Variants in KCNH1 observed in about 807,000 individuals in gnomAD.
The protein encoded by KCNH1 is potassium voltage-gated channel subfamily H member 1, also known as voltage-gated delayed rectifier potassium channel KCNH1.
KCNH1 carries 27 observed loss-of-function variants against 69.2 expected under a neutral mutation model. The ratio of observed to expected loss-of-function variants is 0.39; its 90% CI spans 0.29 to 0.54. The LOEUF (loss-of-function observed/expected upper bound fraction) is 0.54. KCNH1 is among the 20% of genes least tolerant of loss of function. The pLI is 0.68. For synonymous variants in KCNH1, 456 were observed against 487.7 expected, an observed-to-expected ratio of 0.93 and a Z score of 0.86; for missense variants, 798 against 1,261.6, an observed-to-expected ratio of 0.63 and a Z score of 5.57.
At chr1:211,057,701 AAG>A (rs139632604) in intron 5 of KCNH1, among the ~76,000 whole-genome samples, 13 of 150,430 alleles carry the variant, frequency 8.6e-5, no homozygotes, top group Non-Finnish European at 8.9e-5. Context: ...GAGAGAAAGA[AAG>A]AGAGAGAGAG....
At chr1:210,859,251 G>A in intron 7 of KCNH1, 1 of 1,611,184 alleles carries the variant, frequency 6.2e-7, no homozygotes, top group Non-Finnish European at 8.5e-7. Context: ...TATCCTCCAT[G>A]CTTCTCAATC....
intron 5 of KCNH1, among the ~76,000 whole-genome samples, chr1:211,045,059 T>TATA (rs1690072156): frequency 7.8e-6 from 1 of 127,940 alleles, no homozygotes; most frequent in Non-Finnish European, 1.7e-5. Flanking sequence ...TATATATATA[T>TATA]GAATAATAGA....
intron 1 of KCNH1, among the ~76,000 whole-genome samples, chr1:211,120,665 G>C (rs887602302): frequency 6.6e-6 from 1 of 152,080 alleles, no homozygotes; most frequent in Non-Finnish European, 1.5e-5. Context: ...AAATATTAAT[G>C]AGTACTAGAA....
At chr1:211,083,484 A>C (rs1263169828) in intron 4 of KCNH1, among the ~76,000 whole-genome samples, 1 of 152,222 alleles carries the variant, frequency 6.6e-6, no homozygotes, top group African/African-American at 2.4e-5. Flanking sequence ...GGATGGGAGA[A>C]AGATGGTTGG....
At chr1:210,861,571 C>A in intron 7 of KCNH1, 1 of 772,094 alleles carries the variant, frequency 1.3e-6, no homozygotes. Flanking sequence ...AAATTTCTAC[C>A]CATTCTGTCA....
At chr1:210,890,135 G>A (rs1686712736) in intron 7 of KCNH1, among the ~76,000 whole-genome samples, 1 of 152,042 alleles carries the variant, frequency 6.6e-6, no homozygotes, top group Non-Finnish European at 1.5e-5. Context: ...GCTACCTGAT[G>A]TCAAACTATA....
chr1:210,714,367 G>T (rs780586373), intron 10 of KCNH1, among the ~76,000 whole-genome samples: 1 of 152,162 alleles, frequency 6.6e-6, no homozygotes, highest in African/African-American at 2.4e-5. Context: ...TGGGATAGGT[G>T]CTCATGAAAC....
intron 5 of KCNH1, among the ~76,000 whole-genome samples, chr1:211,073,934 A>C (rs1690689019): frequency 6.6e-6 from 1 of 151,984 alleles, no homozygotes; most frequent in Non-Finnish European, 1.5e-5. Flanking sequence ...TTTGAAAAAA[A>C]TCAATAAAAA....
intron 8 of KCNH1, among the ~76,000 whole-genome samples, chr1:210,803,459 C>T (rs1026521946): frequency 2.0e-5 from 3 of 152,106 alleles, no homozygotes; most frequent in Admixed American, 6.5e-5. Context: ...GAGGCAACAG[C>T]CTTGGGCACA....
chr1:210,913,279 C>CA (rs755822839), intron 7 of KCNH1, among the ~76,000 whole-genome samples: 7 of 152,144 alleles, frequency 4.6e-5, no homozygotes, highest in Non-Finnish European at 8.8e-5. Context: ...AACACTGCCC[C>CA]ATTCCCAAAA....
At chr1:210,710,135 T>A (rs974294692) in intron 10 of KCNH1, among the ~76,000 whole-genome samples, 1 of 152,210 alleles carries the variant, frequency 6.6e-6, no homozygotes, top group Non-Finnish European at 1.5e-5. Context: ...GTACAGCATG[T>A]TACTGTATTG....
At chr1:211,102,632 C>T (rs1691278360) in intron 3 of KCNH1, among the ~76,000 whole-genome samples, 2 of 152,120 alleles carry the variant, frequency 1.3e-5, no homozygotes, top group Non-Finnish European at 2.9e-5. Context: ...GAAAAAAAAT[C>T]CCAGCCCCTC....
intron 5 of KCNH1, among the ~76,000 whole-genome samples, chr1:211,024,838 C>T (rs774657076): frequency 6.6e-6 from 1 of 151,756 alleles, no homozygotes; most frequent in Non-Finnish European, 1.5e-5. Context: ...AGAGTACCAA[C>T]GACTACATTC....
intron 7 of KCNH1, among the ~76,000 whole-genome samples, chr1:210,910,615 A>C (rs1687210286): frequency 6.6e-6 from 1 of 152,244 alleles, no homozygotes; most frequent in African/African-American, 2.4e-5. Context: ...TGGGGGTCAG[A>C]GATCTGGGTT....
At chr1:211,025,386 G>A (rs1689665871) in intron 5 of KCNH1, among the ~76,000 whole-genome samples, 1 of 152,040 alleles carries the variant, frequency 6.6e-6, no homozygotes, top group Non-Finnish European at 1.5e-5. Context: ...TTGGGTAGAG[G>A]AACACTTTCC....
At chr1:211,010,176 G>A (rs915089118) in intron 6 of KCNH1, among the ~76,000 whole-genome samples, 2 of 152,118 alleles carry the variant, frequency 1.3e-5, no homozygotes, top group African/African-American at 2.4e-5. Context: ...AGTCCAAGTG[G>A]AGAGGAGTTT....
chr1:211,000,638 T>G (rs1158368759), intron 6 of KCNH1, among the ~76,000 whole-genome samples: 1 of 152,174 alleles, frequency 6.6e-6, no homozygotes, highest in Non-Finnish European at 1.5e-5. Context: ...ACAATGACTT[T>G]CTTCACAAAA....
chr1:210,693,316 T>C (rs147943534), intron 10 of KCNH1, among the ~76,000 whole-genome samples: 2 of 152,270 alleles, frequency 1.3e-5, no homozygotes, highest in South Asian at 2.1e-4. Flanking sequence ...TAAGCATGGG[T>C]ACATCAGTGT....
intron 10 of KCNH1, among the ~76,000 whole-genome samples, chr1:210,743,287 G>A (rs2149038183): frequency 6.6e-6 from 1 of 152,252 alleles, no homozygotes; most frequent in Non-Finnish European, 1.5e-5. Flanking sequence ...CGAGTGTCCT[G>A]AAAGAGGCCC....
Sources: allele counts gnomAD v4.1 joint callset (sites outside exome capture counted in the v4.1 genomes callset), GRCh38; gene constraint gnomAD v4.1.1; transcripts MANE v1.5; gene names NCBI Gene and HGNC (gene_info 2026-07-23, HGNC 2026-07-21).